DNAL1: variants seen among roughly 807,000 people sequenced by gnomAD.
The protein encoded by DNAL1 is chromosome 14 open reading frame 168.
A neutral mutation model predicts 29.4 loss-of-function variants in DNAL1; 17 were observed. The ratio of observed to expected loss-of-function variants is 0.58; its 90% CI spans 0.40 to 0.87. The LOEUF is 0.87. Among genes scored for constraint, DNAL1 ranks in the 40% least tolerant of loss-of-function variants. DNAL1 has a pLI of 0.00. For synonymous variants in DNAL1, 78 were observed against 76.3 expected (o/e 1.02, Z -0.12); for missense variants, 188 against 214.1 (o/e 0.88, Z 0.76).
chr14:73,671,414 C>T (rs1175720903), intron 4 of DNAL1, 128 bp from the exon 5 acceptor site: 1 of 1,054,052 alleles, frequency 9.5e-7, no homozygotes. Context: ...TTTGTTAACA[C>T]AACCTTTCTT....
intron 7 of DNAL1, among the ~76,000 whole-genome samples, chr14:73,689,763 G>A (rs1892120127): frequency 6.6e-6 from 1 of 152,034 alleles, no homozygotes. Flanking sequence ...GGCCGGGCAT[G>A]GGTGGCTCAC....
At chr14:73,687,104 G>GA (rs1359359360) in intron 5 of DNAL1, among the ~76,000 whole-genome samples, 155 bp from the exon 6 acceptor site, 120 of 141,920 alleles carry the variant, frequency 8.5e-4, no homozygotes, top group Middle Eastern at 3.6e-3. Flanking sequence ...CCCTCAATGA[G>GA]AAAAAAAAAA....
At position 73,680,794 on chromosome 14, in the gene DNAL1, A is replaced by G. The variant is rs901197132; in HGVS notation, c.265-6465A>G. Reference sequence around the variant, plus strand: ...GTGCTTACACAAACCTAGATGGTATAGCCTACTACATACATAGGCTATATG... The same window carrying G: ...GTGCTTACACAAACCTAGATGGTATGGCCTACTACATACATAGGCTATATG... On this transcript the variant is annotated intron_variant, in intron 5 of 7. Transcript: ENST00000553645. 7.2e-5 allele frequency among the ~76,000 whole-genome samples: 11 copies of G among 152,226 alleles called. 1 individual carries two copies. The highest frequency in any genetic ancestry group is 7.2e-4 in the Admixed American group (11 of 15,282).
At chr14:73,685,445 T>C (rs1196802018) in intron 5 of DNAL1, among the ~76,000 whole-genome samples, 2 of 151,908 alleles carry the variant, frequency 1.3e-5, no homozygotes. Context: ...TGTGTCAGAA[T>C]TTCCTTTCTG....
At chr14:73,668,986 C>T (rs1566884472) in intron 4 of DNAL1, among the ~76,000 whole-genome samples, 1 of 151,950 alleles carries the variant, frequency 6.6e-6, no homozygotes, top group Non-Finnish European at 1.5e-5. Flanking sequence ...CCCTCCCTCT[C>T]TCTGTACATG....
At chr14:73,684,045 A>G (rs1234021866) in intron 5 of DNAL1, among the ~76,000 whole-genome samples, 1 of 152,220 alleles carries the variant, frequency 6.6e-6, no homozygotes. Context: ...GAGTGAGATC[A>G]TGCAGTGTCA....
chr14:73,693,986 A>C (rs976112269), intron 7 of DNAL1, among the ~76,000 whole-genome samples: 5 of 152,132 alleles, frequency 3.3e-5, no homozygotes, highest in African/African-American at 1.2e-4. Context: ...GAGAGGTCAA[A>C]CTATGCTCAC....
intron 5 of DNAL1, among the ~76,000 whole-genome samples, chr14:73,681,633 A>AATATATATAT (rs71112793): frequency 0.019 from 653 of 35,086 alleles, 25 homozygotes; most frequent in African/African-American, 0.054. Context: ...AAAAAAAAAA[A>AATATATATAT]ATATATATAT....
intron 6 of DNAL1, among the ~76,000 whole-genome samples, chr14:73,689,026 GTTTTTTT>G (rs71112794): frequency 2.2e-5 from 2 of 92,248 alleles, no homozygotes; most frequent in African/African-American, 4.9e-5. Flanking sequence ...AAAACTTGCT[GTTTTTTT>G]TTTTTTTTTT....
At chr14:73,661,244 C>T (rs1053596339) in intron 3 of DNAL1, among the ~76,000 whole-genome samples, 1 of 152,126 alleles carries the variant, frequency 6.6e-6, no homozygotes, top group Non-Finnish European at 1.5e-5. Context: ...GTATCTGTAG[C>T]CCTATCTCCT....
At chr14:73,687,159 T>G in intron 5 of DNAL1, 100 bp from the exon 6 acceptor site, 1 of 1,441,552 alleles carries the variant, frequency 6.9e-7, no homozygotes, top group Non-Finnish European at 9.3e-7. Flanking sequence ...ACAGGCAGGG[T>G]CTAAGTTCAC....
At chr14:73,677,364 C>G (rs1043717747) in intron 5 of DNAL1, among the ~76,000 whole-genome samples, 1 of 150,856 alleles carries the variant, frequency 6.6e-6, no homozygotes, top group African/African-American at 2.4e-5. Flanking sequence ...GAGGCAGGGT[C>G]TCGCTATGTT....
At chr14:73,651,147 GTTTCTT>G (rs1430482104) in intron 1 of DNAL1, 3 of 151,220 alleles carry the variant, frequency 2.0e-5, no homozygotes, top group African/African-American at 4.9e-5. Context: ...TTTTTTTTCT[GTTTCTT>G]TTTCTTTTTG....
intron 4 of DNAL1, among the ~76,000 whole-genome samples, chr14:73,667,865 AT>A (rs1294023334): frequency 3.9e-5 from 6 of 152,158 alleles, no homozygotes; most frequent in Non-Finnish European, 8.8e-5. Flanking sequence ...CCTCTTGGCA[AT>A]TTCTTGACTC....
At chr14:73,647,496 C>G (rs80059613) in intron 1 of DNAL1, among the ~76,000 whole-genome samples, 5,338 of 151,960 alleles carry the variant, frequency 0.035, 345 homozygotes, top group African/African-American at 0.12. Context: ...CTTAATGATA[C>G]ATAAAATAAA....
intron 3 of DNAL1, chr14:73,659,629 C>A (rs566713610): frequency 6.6e-6 from 1 of 152,168 alleles, no homozygotes; most frequent in African/African-American, 2.4e-5. Context: ...TCTATCGTTC[C>A]AGTTTAGTAC....
chr14:73,697,918 T>A lies in DNAL1; in HGVS notation c.*1976T>A, dbSNP rs1021314156. ...CATAGGCAATGAGCCTTCATTCTCC[T>A]TGGTGATGTTTTAAGTTCCATAAAC... On this transcript the variant is annotated 3_prime_UTR_variant, in exon 8 of 8. Transcript: ENST00000553645. 5 of 152,138 alleles carry A rather than the reference T, an allele frequency of 3.3e-5. No homozygotes were observed. The highest frequency in any genetic ancestry group is 7.3e-5 in the Non-Finnish European group (5 of 68,034). 9.4% of individuals were successfully genotyped at this position (152,138 alleles called of 1,614,324 possible). A position where few individuals can be genotyped will look rare whatever the true frequency, so the allele number is the denominator to read the frequency against.
At chr14:73,692,840 CTT>C (rs71112797) in intron 7 of DNAL1, among the ~76,000 whole-genome samples, 20 of 142,790 alleles carry the variant, frequency 1.4e-4, no homozygotes, top group Non-Finnish European at 1.8e-4. Flanking sequence ...ACTGAGGGAT[CTT>C]TTTTTTTTTT....
intron 7 of DNAL1, 116 bp downstream of exon 7, chr14:73,689,631 A>G: frequency 2.1e-6 from 3 of 1,440,460 alleles, no homozygotes; most frequent in Non-Finnish European, 2.9e-6. Context: ...CTTCCAGGTC[A>G]TTTCTATCTA....
Sources: allele counts gnomAD v4.1 joint callset (sites outside exome capture counted in the v4.1 genomes callset), GRCh38; gene constraint gnomAD v4.1.1; transcripts MANE v1.5; gene names NCBI Gene and HGNC (gene_info 2026-07-23, HGNC 2026-07-21).